CFI: variants seen among roughly 807,000 people sequenced by gnomAD.
CFI encodes the protein complement factor I.
Under a neutral mutation model 78.8 loss-of-function variants are expected in CFI, and 66 were observed. The ratio of observed to expected loss-of-function variants is 0.84; its 90% CI spans 0.69 to 1.03. The LOEUF (loss-of-function observed/expected upper bound fraction) is 1.03. Ranked by LOEUF, CFI falls within the 50% of genes least tolerant of loss-of-function variation. The pLI, the probability that CFI is intolerant of heterozygous loss-of-function variation, is 0.00. For missense variants in CFI, 706 were observed against 704.5 expected, an observed-to-expected ratio of 1.00 and a Z score of -0.02; for synonymous variants, 250 against 232.6, an observed-to-expected ratio of 1.07 and a Z score of -0.68.
In CFI at chr4:109,761,565, T is replaced by C. The variant is rs756680624; in HGVS notation, c.610A>G (p.Met204Val). 60 of 1,614,134 alleles carry C rather than the reference T, an allele frequency of 3.7e-5. No individual in the cohort carries two copies. In the East Asian group the frequency reaches 4.2e-4, roughly 11 times the overall value. ...AECTFTKRRT[M>V]GYQDFADVVC... ...ACATCAGCGAAATCCTGGTAACCCA[T>C]AGTTCTTCTCTTAGTAAAAGTACAT... is the stretch of plus-strand genomic sequence containing the variant. Residue 204 changes from methionine (M) to valine (V), a missense_variant, in exon 4 of 13, where the codon ATG (methionine) becomes GTG (valine). Physicochemically the swap from Met to Val is conservative, Grantham distance 21. Coordinates refer to ENST00000394634, the MANE Select transcript of CFI (RefSeq NM_000204.5).
the CFI span, among the ~76,000 whole-genome samples, chr4:109,734,917 C>A: frequency 2.0e-5 from 3 of 151,956 alleles, no homozygotes; most frequent in Non-Finnish European, 4.4e-5. Flanking sequence ...TTAATAAATA[C>A]CTTGGAATGG....
At chr4:109,795,481 A>C (rs745360112) in intron 1 of CFI, among the ~76,000 whole-genome samples, 2 of 152,228 alleles carry the variant, frequency 1.3e-5, no homozygotes, top group Admixed American at 6.5e-5. Flanking sequence ...ACACTATCCA[A>C]GGAGCACATA....
At chr4:109,742,441 A>T (rs1203771128) in intron 12 of CFI, 50 bp downstream of exon 12, 3 of 1,193,200 alleles carry the variant, frequency 2.5e-6, no homozygotes, top group Non-Finnish European at 3.8e-6. Flanking sequence ...GATGTTTGAT[A>T]GGGGAAATAC....
intron 7 of CFI, among the ~76,000 whole-genome samples, chr4:109,754,254 T>C (rs1200908428): frequency 2.0e-5 from 3 of 151,700 alleles, no homozygotes. Flanking sequence ...AGTGCTGGAA[T>C]TACAGGTGTG....
At chr4:109,762,189 TAAAAAAAA>T (rs10634105) in intron 3 of CFI, 2 of 115,336 alleles carry the variant, frequency 1.7e-5, no homozygotes, top group Non-Finnish European at 3.3e-5. Context: ...AGACTCTGTC[TAAAAAAAA>T]AAAAAAAAAA....
rs535440320 is a variant in CFI, at chr4:109,780,711, G to A, written c.58-13887C>T. Among the ~76,000 whole-genome samples the A allele has an allele frequency of 2.2e-4, 34 of 152,114 alleles. 1 individual carries two copies. In the South Asian group the frequency reaches 2.3e-3, roughly 10 times the overall value. ...ACACATGCACACGTATGTTTATTGCGGCACTATTCACAATAGCAAAGACTT... is the reference window on the plus strand; with the variant it reads ...ACACATGCACACGTATGTTTATTGCAGCACTATTCACAATAGCAAAGACTT... On this transcript the variant is annotated intron_variant, in intron 1 of 12. Transcript: ENST00000394634.
Position 109,741,211 on chromosome 4 carries a change from T to C in CFI, c.1535-101A>G, listed in dbSNP as rs914553633. On this transcript the variant is annotated intron_variant, in intron 12 of 12. Coordinates refer to ENST00000394634, the MANE Select transcript of CFI (RefSeq NM_000204.5). ...TTTAACAACTTTGGCTTTTTTACAG[T>C]TTCCTGACAGCAATAGCATGGGCTC... is the stretch of plus-strand genomic sequence containing the variant. The C allele has an allele frequency of 5.7e-6, 9 of 1,586,876 alleles. No individual in the cohort carries two copies. The African/African-American group carries it at 1.2e-4, about 21-fold the overall frequency.
intron 1 of CFI, among the ~76,000 whole-genome samples, chr4:109,777,691 AC>A (rs1400124976): frequency 5.3e-5 from 8 of 152,306 alleles, no homozygotes; most frequent in Admixed American, 3.3e-4. Flanking sequence ...TCTTCTCAGC[AC>A]CACATCACAC....
At chr4:109,769,509 C>T (rs1041436832) in intron 1 of CFI, among the ~76,000 whole-genome samples, 4 of 152,082 alleles carry the variant, frequency 2.6e-5, no homozygotes, top group South Asian at 2.1e-4. Context: ...GGACAGCAGC[C>T]GGGTCTCACC....
intron 1 of CFI, among the ~76,000 whole-genome samples, chr4:109,772,830 C>T (rs1195792016): frequency 6.6e-6 from 1 of 152,138 alleles, no homozygotes; most frequent in Non-Finnish European, 1.5e-5. Flanking sequence ...ACAATCCTCC[C>T]ATCTCAGCCT....
intron 1 of CFI, among the ~76,000 whole-genome samples, chr4:109,791,749 G>T (rs1731410914): frequency 6.6e-6 from 1 of 152,120 alleles, no homozygotes; most frequent in Non-Finnish European, 1.5e-5. Flanking sequence ...TCAGATACTT[G>T]TAAGGGTGCA....
rs896381021 is a variant in CFI, at chr4:109,754,070, G to T, written c.905-1567C>A. 3.3e-5 allele frequency among the ~76,000 whole-genome samples: 5 copies of T among 151,130 alleles called. No individual in the cohort carries two copies. The East Asian group carries it at 9.7e-4, about 29-fold the overall frequency. Reference sequence around the variant, plus strand: ...ACGATCTCGGCTCACTGCAACATCCGCCTCCCAGGTTCAAGCGATTCTCCT... The same window carrying T: ...ACGATCTCGGCTCACTGCAACATCCTCCTCCCAGGTTCAAGCGATTCTCCT... On this transcript the variant is annotated intron_variant, in intron 7 of 12. Transcript: ENST00000394634.
Position 109,741,058 on chromosome 4 carries a change from T to C in CFI, c.1587A>G (p.Leu529=). 6.2e-7 allele frequency: 1 copy of C among 1,614,174 alleles called. No individual in the cohort carries two copies. Among genetic ancestry groups the C allele is most frequent in the Non-Finnish European group, 8.5e-7 (1 of 1,180,004 alleles). The part of the protein sequence containing the change: ...DACKGDSGGP[L]VCMDANNVTY... ...TCACATTGTTGGCATCCATACAGACTAAGGGGCCTCCAGAGTCCCCTTTAC... is the reference window on the plus strand; with the variant it reads ...TCACATTGTTGGCATCCATACAGACCAAGGGGCCTCCAGAGTCCCCTTTAC... The change falls in exon 13 of 13, where the codon TTA becomes TTG. Residue 529 remains leucine (L), a synonymous_variant. Coordinates refer to ENST00000394634, the MANE Select transcript of CFI (RefSeq NM_000204.5).
intron 7 of CFI, among the ~76,000 whole-genome samples, chr4:109,756,917 GAA>G (rs1192432217): frequency 8.2e-6 from 1 of 121,938 alleles, no homozygotes; most frequent in Non-Finnish European, 1.7e-5. Context: ...AAGAAAGAAA[GAA>G]AGAAAGAAAG....
chr4:109,795,336 C>T (rs1339618529), intron 1 of CFI, among the ~76,000 whole-genome samples: 2 of 152,144 alleles, frequency 1.3e-5, no homozygotes, highest in African/African-American at 2.4e-5. Flanking sequence ...GCCAGCTGAC[C>T]CACCCAGAAT....
chr4:109,740,593 A>C, downstream of CFI: 1 of 390,794 alleles, frequency 2.6e-6, no homozygotes, highest in East Asian at 6.2e-5. Context: ...TTTGAACCCA[A>C]CCTTATGTAA....
chr4:109,773,685 G>A (rs1728871015), intron 1 of CFI, among the ~76,000 whole-genome samples: 1 of 152,144 alleles, frequency 6.6e-6, no homozygotes, highest in Admixed American at 6.5e-5. Flanking sequence ...TGGGAGGTAT[G>A]TTAAATAAGT....
intron 1 of CFI, among the ~76,000 whole-genome samples, chr4:109,773,703 C>T (rs1415886493): frequency 6.6e-6 from 1 of 152,090 alleles, no homozygotes; most frequent in Non-Finnish European, 1.5e-5. Context: ...AGTTTTTTCT[C>T]ATTTTTACTG....
At chr4:109,770,143 C>T (rs1045798921) in intron 1 of CFI, among the ~76,000 whole-genome samples, 1 of 152,102 alleles carries the variant, frequency 6.6e-6, no homozygotes, top group Non-Finnish European at 1.5e-5. Context: ...CCCCAAAGAC[C>T]AAACCAAAAT....
Sources: allele counts gnomAD v4.1 joint callset (sites outside exome capture counted in the v4.1 genomes callset), GRCh38; gene constraint gnomAD v4.1.1; transcripts MANE v1.5; gene names NCBI Gene and HGNC (gene_info 2026-07-23, HGNC 2026-07-21).